GIMAP8: variants seen among roughly 807,000 people sequenced by gnomAD.
GIMAP8 encodes GTPase, IMAP family member 8.
Under a neutral mutation model 35.6 loss-of-function variants are expected in GIMAP8, and 29 were observed. That is an observed-to-expected ratio of 0.81 (90% CI 0.61 to 1.11). GIMAP8 has a LOEUF of 1.11. GIMAP8 is among the 50% of genes most tolerant of loss of function. The pLI, the probability that GIMAP8 is intolerant of heterozygous loss-of-function variation, is 0.00. For synonymous variants in GIMAP8, 335 were observed against 308.7 expected (o/e 1.09, Z -0.89); for missense variants, 811 against 805.0 (o/e 1.01, Z -0.09).
chr7:150,470,767 T>TTTATTTTTTGGAAGA, intron 2 of GIMAP8, 62 bp from the exon 3 acceptor site: 1 of 655,330 alleles, frequency 1.5e-6, no homozygotes, highest in Admixed American at 3.0e-5. Context: ...TTTTTTTTTT[T>TTTATTTTTTGGAAGA]TCAGTTTGTG....
At chr7:150,453,537 C>T (rs564559673) in intron 1 of GIMAP8, among the ~76,000 whole-genome samples, 56 of 152,374 alleles carry the variant, frequency 3.7e-4, no homozygotes, top group Admixed American at 9.1e-4. Context: ...AGGTATGAAC[C>T]ACCAAATTGC....
chr7:150,463,020 C>T (rs1280349825), intron 1 of GIMAP8, among the ~76,000 whole-genome samples: 2 of 151,844 alleles, frequency 1.3e-5, no homozygotes, highest in Non-Finnish European at 2.9e-5. Context: ...TATAGGCTTT[C>T]TTTATTCTTA....
At chr7:150,458,005 C>T (rs1460228175) in intron 1 of GIMAP8, among the ~76,000 whole-genome samples, 1 of 152,238 alleles carries the variant, frequency 6.6e-6, no homozygotes, top group Non-Finnish European at 1.5e-5. Context: ...ACTCTTTCCT[C>T]AGAGAGCCAT....
intron 1 of GIMAP8, among the ~76,000 whole-genome samples, chr7:150,461,812 T>TA (rs1801852075): frequency 6.6e-6 from 1 of 152,226 alleles, no homozygotes; most frequent in Admixed American, 6.5e-5. Flanking sequence ...TAGATGAACT[T>TA]ACTCCTGTCA....
intron 1 of GIMAP8, among the ~76,000 whole-genome samples, chr7:150,462,066 T>A (rs1193811418): frequency 6.6e-6 from 1 of 152,208 alleles, no homozygotes; most frequent in Non-Finnish European, 1.5e-5. Flanking sequence ...ACAAAGTACA[T>A]TCTCAAGGGA....
At chr7:150,470,134 A>T (rs1359827001) in intron 2 of GIMAP8, among the ~76,000 whole-genome samples, 3 of 152,226 alleles carry the variant, frequency 2.0e-5, no homozygotes, top group Non-Finnish European at 4.4e-5. Flanking sequence ...AAATAATTTG[A>T]ACTGGGCTAT....
Position 150,477,460 on chromosome 7 carries a change from G to C in GIMAP8, c.1678G>C (p.Ala560Pro), listed in dbSNP as rs759430794. The part of the protein sequence containing the change: ...AIFGADFTKY[A>P]IMLFTRKEDL... ...CTTTGGAGCAGACTTTACGAAATAC[G>C]CGATTATGCTGTTCACCCGGAAGGA... is the stretch of plus-strand genomic sequence containing the variant. The change falls in exon 5 of 5, where the codon GCG becomes CCG. Residue 560 changes from alanine (A) to proline (P), a missense_variant. Ala to Pro is a conservative substitution (Grantham distance 27, BLOSUM62 -1). Transcript: ENST00000307271. 6.2e-7 allele frequency: 1 copy of C among 1,613,708 alleles called. No homozygotes were observed.
rs1353821519 is a variant in GIMAP8 at position 150,472,064 on chromosome 7, A to G, written c.682+1190A>G. ...GCAGAAGGGTTTCAAAATTCTGGCAATGCCCTTTGGCCGAGACCCCAGGAA... is the reference window on the plus strand; with the variant it reads ...GCAGAAGGGTTTCAAAATTCTGGCAGTGCCCTTTGGCCGAGACCCCAGGAA... On this transcript the variant is annotated intron_variant, in intron 3 of 4. Coordinates refer to ENST00000307271, the MANE Select transcript of GIMAP8 (RefSeq NM_175571.4). The surrounding 1 kb of genome is among the most constrained non-coding windows in gnomAD (Gnocchi z 4.1). 6.6e-6 allele frequency among the ~76,000 whole-genome samples: 1 copy of G among 152,176 alleles called. No individual in the cohort carries two copies. Among genetic ancestry groups the G allele is most frequent in the African/African-American group, 2.4e-5 (1 of 41,428 alleles).
At chr7:150,473,372 T>C (rs1020619907) in intron 3 of GIMAP8, among the ~76,000 whole-genome samples, 2 of 151,840 alleles carry the variant, frequency 1.3e-5, no homozygotes, top group African/African-American at 4.8e-5. Context: ...GATCCCCATC[T>C]AGATAAAGAT....
chr7:150,464,888 T>C (rs1307121420), intron 1 of GIMAP8, among the ~76,000 whole-genome samples: 1 of 152,216 alleles, frequency 6.6e-6, no homozygotes, highest in Non-Finnish European at 1.5e-5. Flanking sequence ...AGTGATCAGA[T>C]AATGAGTGTA....
rs1040163565 is a variant in GIMAP8, at chr7:150,478,388, T to A, written c.*608T>A. On this transcript the variant is annotated 3_prime_UTR_variant, in exon 5 of 5. Coordinates refer to ENST00000307271, the MANE Select transcript of GIMAP8 (RefSeq NM_175571.4). ...CCACGCCTAGATGTGAAGTGGGACA[T>A]AGTCTTCCATTGCTGGCTGTCCCTG... 2.0e-5 allele frequency: 3 copies of A among 152,636 alleles called. No homozygotes were observed. The highest frequency in any genetic ancestry group is 2.0e-4 in the Admixed American group (3 of 15,332). 9.5% of individuals were successfully genotyped at this position (152,636 alleles called of 1,614,324 possible).
Position 150,467,074 on chromosome 7 carries a change from A to G in GIMAP8, c.376A>G (p.Arg126Gly). The change falls in exon 2 of 5, where the codon AGG becomes GGG. Residue 126 changes from arginine to glycine, a missense_variant. Transcript: ENST00000307271. ...GIQQVFGAEARRHIIIVFTRK... is the reference protein window; with the variant it reads ...GIQQVFGAEAGRHIIIVFTRK... ...CCAACAAGTGTTTGGAGCTGAAGCC[A>G]GGAGGCACATCATTATTGTCTTCAC... 6.2e-7 allele frequency: 1 copy of G among 1,614,260 alleles called. No individual in the cohort carries two copies. The highest frequency in any genetic ancestry group is 8.5e-7 in the Non-Finnish European group (1 of 1,180,036).
rs770532857 is a variant in GIMAP8, at chr7:150,477,508, G to A, written c.1726G>A (p.Glu576Lys). Residue 576 changes from glutamate to lysine, a missense_variant, in exon 5 of 5, where the codon GAA (glutamate) becomes AAA (lysine). Glu to Lys is a moderately conservative substitution (Grantham distance 56). Transcript: ENST00000307271. ...RKEDLGAGNL[E>K]DFMKNSDNKA... is the part of the protein sequence containing the mutation. ...GGAAGACCTAGGGGCGGGGAATTTG[G>A]AAGACTTCATGAAGAACTCAGATAA... 2.5e-6 allele frequency: 4 copies of A among 1,614,048 alleles called. No homozygotes were observed. The South Asian group carries it at 4.4e-5, about 18-fold the overall frequency.
Position 150,474,192 on chromosome 7 carries a change from C to G in GIMAP8, c.863C>G (p.Ser288Cys). 6.2e-7 allele frequency: 1 copy of G among 1,614,176 alleles called. No homozygotes were observed. Among genetic ancestry groups the G allele is most frequent in the Non-Finnish European group, 8.5e-7 (1 of 1,180,036 alleles). The part of the protein sequence containing the change: ...SEQSVTQSFL[S>C]ESRSWRKKKV... ...CAGTCAGTAACCCAGAGCTTCTTGTCTGAGAGCAGAAGCTGGAGAAAAAAG... is the reference window on the plus strand; with the variant it reads ...CAGTCAGTAACCCAGAGCTTCTTGTGTGAGAGCAGAAGCTGGAGAAAAAAG... Residue 288 changes from serine to cysteine, a missense_variant, in exon 4 of 5, where the codon TCT (serine) becomes TGT (cysteine). Transcript: ENST00000307271.
chr7:150,472,183 G>T lies in GIMAP8; in HGVS notation c.682+1309G>T, dbSNP rs959959507. 6.6e-6 allele frequency among the ~76,000 whole-genome samples: 1 copy of T among 152,180 alleles called. No homozygotes were observed. The highest frequency in any genetic ancestry group is 1.5e-5 in the Non-Finnish European group (1 of 68,032). ...GTCACAGGGCTGTCAGAAACAGGGGGCAGGGAAGGACTTTTTATAGGATGT... is the reference window on the plus strand; with the variant it reads ...GTCACAGGGCTGTCAGAAACAGGGGTCAGGGAAGGACTTTTTATAGGATGT... On this transcript the variant is annotated intron_variant, in intron 3 of 4. Coordinates refer to ENST00000307271, the MANE Select transcript of GIMAP8 (RefSeq NM_175571.4). The surrounding 1 kb of genome is among the most constrained non-coding windows in gnomAD (Gnocchi z 4.1).
At position 150,477,544 on chromosome 7, in the gene GIMAP8, C is replaced by T. The variant is rs770094053; in HGVS notation, c.1762C>T (p.Arg588Trp). Residue 588 changes from arginine (R) to tryptophan (W), a missense_variant, in exon 5 of 5, where the codon CGG becomes TGG. By Grantham distance (101) the Arg-to-Trp change is moderately radical. Coordinates refer to ENST00000307271, the MANE Select transcript of GIMAP8 (RefSeq NM_175571.4). ...FMKNSDNKALRRIFKKCGRRV... is the reference protein window; with the variant it reads ...FMKNSDNKALWRIFKKCGRRV... ...GAAGAACTCAGATAACAAAGCCCTTCGGCGCATTTTTAAAAAGTGTGGGCG... is the reference window on the plus strand; with the variant it reads ...GAAGAACTCAGATAACAAAGCCCTTTGGCGCATTTTTAAAAAGTGTGGGCG... 1.3e-4 allele frequency: 202 copies of T among 1,614,118 alleles called. 1 individual carries two copies. Among genetic ancestry groups the T allele is most frequent in the East Asian group, 6.5e-4 (29 of 44,880 alleles).
chr7:150,474,688 G>T, intron 4 of GIMAP8, 50 bp downstream of exon 4: 9 of 1,164,012 alleles, frequency 7.7e-6, no homozygotes, highest in South Asian at 6.7e-5. Context: ...TTTAAAAATA[G>T]GTATAAAATA....
At chr7:150,470,236 G>A (rs1202719969) in intron 2 of GIMAP8, among the ~76,000 whole-genome samples, 2 of 152,134 alleles carry the variant, frequency 1.3e-5, no homozygotes, top group South Asian at 2.1e-4. Flanking sequence ...GGCAAAGCCA[G>A]GCAAGAAAGC....
chr7:150,454,483 G>A (rs996633374), intron 1 of GIMAP8, among the ~76,000 whole-genome samples: 1 of 152,192 alleles, frequency 6.6e-6, no homozygotes, highest in African/African-American at 2.4e-5. Context: ...CTTGGGCTAA[G>A]TGATGGAGAA....
Sources: gnomAD v4.1 joint callset for allele counts (sites outside exome capture counted in the v4.1 genomes callset) on GRCh38, gnomAD v4.1.1 for gene constraint, Gnocchi (gnomAD v3.1) non-coding constraint, MANE v1.5 for transcripts, NCBI Gene and HGNC (gene_info 2026-07-23, HGNC 2026-07-21) for gene names.